RFFL: variants seen among roughly 807,000 people sequenced by gnomAD.
RFFL encodes the protein ring finger and FYVE like domain containing E3 ubiquitin protein ligase.
RFFL carries 16 observed loss-of-function variants against 40.4 expected under a neutral mutation model. That is an observed-to-expected ratio of 0.40 (90% CI 0.27 to 0.60). The LOEUF is 0.60. Ranked by LOEUF, RFFL falls within the 20% of genes least tolerant of loss-of-function variation. RFFL has a pLI of 0.47. For synonymous variants in RFFL, 154 were observed against 167.9 expected, an observed-to-expected ratio of 0.92 and a Z score of 0.64; for missense variants, 367 against 451.7, an observed-to-expected ratio of 0.81 and a Z score of 1.70.
At chr17:35,046,409 C>T (rs542310236) in intron 1 of RFFL, among the ~76,000 whole-genome samples, 1 of 152,202 alleles carries the variant, frequency 6.6e-6, no homozygotes, top group African/African-American at 2.4e-5. Flanking sequence ...ATCAAAGAAA[C>T]CGACCTCTAC....
intron 1 of RFFL, among the ~76,000 whole-genome samples, chr17:35,057,267 T>C (rs1453362180): frequency 6.6e-6 from 1 of 152,002 alleles, no homozygotes; most frequent in Non-Finnish European, 1.5e-5. Flanking sequence ...GCCCACAAAG[T>C]CCCCATGTGA....
chr17:35,017,461 G>C, intron 4 of RFFL, 62 bp downstream of exon 4: 1 of 1,034,096 alleles, frequency 9.7e-7, no homozygotes, highest in East Asian at 2.5e-5. Flanking sequence ...TCTGCTAAGA[G>C]GTTCCGAAGA....
upstream of RFFL, among the ~76,000 whole-genome samples, chr17:35,064,206 G>T (rs2091309267): frequency 6.6e-6 from 1 of 152,112 alleles, no homozygotes; most frequent in Non-Finnish European, 1.5e-5. Context: ...CAGGCTCATT[G>T]TTCTTTTTTC....
At chr17:35,025,514 A>G (rs144312506) in intron 2 of RFFL, among the ~76,000 whole-genome samples, 263 of 152,370 alleles carry the variant, frequency 1.7e-3, no homozygotes, top group African/African-American at 6.2e-3. Context: ...GGATTAAATG[A>G]AATAAAAAAA....
In RFFL at chr17:35,027,403, C is replaced by T. The variant is rs138600941; in HGVS notation, c.-8-842G>A. ...AGCTCAACAAATATTTGCTTCCTTA[C>T]TGAATCAGAGCCTCTGTAGGTTTAT... is the stretch of plus-strand genomic sequence containing the variant. On this transcript the variant is annotated intron_variant, in intron 1 of 6. Coordinates refer to ENST00000394597, the MANE Select transcript of RFFL (RefSeq NM_001017368.2). Among the ~76,000 whole-genome samples, 400 of 152,280 alleles carry T rather than the reference C, an allele frequency of 2.6e-3. 2 individuals are homozygous for T. The highest frequency in any genetic ancestry group is 0.015 in the South Asian group (71 of 4,828).
chr17:35,025,031 A>G (rs916701777), intron 2 of RFFL, among the ~76,000 whole-genome samples: 1 of 152,166 alleles, frequency 6.6e-6, no homozygotes, highest in African/African-American at 2.4e-5. Context: ...GTCACATCGT[A>G]TGGTGTGCAC....
At chr17:35,074,627 C>A (rs2091367306) in intron 1 of RFFL, among the ~76,000 whole-genome samples, 1 of 152,188 alleles carries the variant, frequency 6.6e-6, no homozygotes, top group Non-Finnish European at 1.5e-5. Context: ...TTGTGGAACA[C>A]AGATAACACC....
intron 1 of RFFL, among the ~76,000 whole-genome samples, chr17:35,029,442 TAA>T (rs985354069): frequency 6.6e-6 from 1 of 150,748 alleles, no homozygotes; most frequent in Non-Finnish European, 1.5e-5. Flanking sequence ...CTCCCAGGTT[TAA>T]GTGATTCTCC....
chr17:35,011,984 T>G lies in RFFL; in HGVS notation c.1076A>C (p.His359Pro). The G allele has an allele frequency of 6.2e-7, 1 of 1,614,148 alleles. No individual in the cohort carries two copies. The highest frequency in any genetic ancestry group is 8.5e-7 in the Non-Finnish European group (1 of 1,180,012). ...ICRQYVIRAVHVFRS is the reference protein window; with the variant it reads ...ICRQYVIRAVPVFRS ...TGCAAGCTCTCAGGACCGGAAGACA[T>G]GCACAGCTCGGATTACATACTGCCG... is the stretch of plus-strand genomic sequence containing the variant. Residue 359 changes from histidine (H) to proline (P), a missense_variant, in exon 7 of 7, where the codon CAT becomes CCT. Physicochemically the swap from His to Pro is moderately conservative, Grantham distance 77. Coordinates refer to ENST00000394597, the MANE Select transcript of RFFL (RefSeq NM_001017368.2).
intron 1 of RFFL, among the ~76,000 whole-genome samples, chr17:35,060,579 T>C (rs773905968): frequency 2.5e-4 from 38 of 152,284 alleles, no homozygotes; most frequent in Non-Finnish European, 5.3e-4. Context: ...AATAATTTTG[T>C]AAAACACCAT....
At chr17:35,080,461 G>A (rs557378142) in intron 1 of RFFL, among the ~76,000 whole-genome samples, 1 of 152,270 alleles carries the variant, frequency 6.6e-6, no homozygotes, top group East Asian at 1.9e-4. Context: ...ATATACATGT[G>A]ATCAGTACCA....
chr17:35,034,537 T>C (rs963581766), intron 1 of RFFL, among the ~76,000 whole-genome samples: 2 of 151,910 alleles, frequency 1.3e-5, no homozygotes, highest in Non-Finnish European at 2.9e-5. Context: ...ACTTTTTTTT[T>C]TTTTTCCTTG....
intron 1 of RFFL, among the ~76,000 whole-genome samples, chr17:35,042,823 CA>C (rs11296826): frequency 0.27 from 16,566 of 60,642 alleles, 944 homozygotes; most frequent in African/African-American, 0.45. Flanking sequence ...GACTCCATCT[CA>C]AAAAAAAAAA....
chr17:35,088,849 T>G (rs1273759247), intron 1 of RFFL: 1 of 152,360 alleles, frequency 6.6e-6, no homozygotes, highest in Non-Finnish European at 1.5e-5. Context: ...CGTCTCCTGT[T>G]ACTGCCCCCA....
chr17:35,014,197 A>G (rs1489327021), intron 6 of RFFL, among the ~76,000 whole-genome samples: 1 of 152,068 alleles, frequency 6.6e-6, no homozygotes, highest in African/African-American at 2.4e-5. Context: ...TCTTTAAGTG[A>G]GTGGCAGCTG....
chr17:35,016,556 C>A lies in RFFL; in HGVS notation c.700G>T (p.Val234Phe), dbSNP rs778283140. 6 of 1,613,988 alleles carry A rather than the reference C, an allele frequency of 3.7e-6. No individual in the cohort carries two copies. The African/African-American group carries it at 5.3e-5, about 14-fold the overall frequency. The change falls in exon 5 of 7, where the codon GTC (valine) becomes TTC (phenylalanine). Residue 234 changes from valine (V) to phenylalanine (F), a missense_variant. Transcript: ENST00000394597. Reference sequence around the variant, plus strand: ...GACAGAGAGGCCCTTCGGCCTGGGACAAAGCTGTCCTCTGAGTCAATAGAC... The same window carrying A: ...GACAGAGAGGCCCTTCGGCCTGGGAAAAAGCTGTCCTCTGAGTCAATAGAC... ...TQSIDSEDSF[V>F]PGRRASLSDL...
At chr17:35,023,304 T>C (rs1296092372) in intron 2 of RFFL, among the ~76,000 whole-genome samples, 1 of 152,184 alleles carries the variant, frequency 6.6e-6, no homozygotes, top group Non-Finnish European at 1.5e-5. Flanking sequence ...ATAGTTAAGA[T>C]AGTTATATAA....
At chr17:35,053,840 T>C (rs2091245007) in intron 1 of RFFL, among the ~76,000 whole-genome samples, 1 of 152,200 alleles carries the variant, frequency 6.6e-6, no homozygotes, top group African/African-American at 2.4e-5. Context: ...TGAAAAGCAA[T>C]TATCCTAACA....
In RFFL at chr17:35,014,728, A is replaced by G. The variant is rs1190652806; in HGVS notation, c.910+12T>C. On this transcript the variant is annotated intron_variant, in intron 6 of 6. Coordinates refer to ENST00000394597, the MANE Select transcript of RFFL (RefSeq NM_001017368.2). Reference sequence around the variant, plus strand: ...GGCCTAAGCCCATTCCCAAACAGAAACAACTACATACCGTTTTGGTCTTCG... The same window carrying G: ...GGCCTAAGCCCATTCCCAAACAGAAGCAACTACATACCGTTTTGGTCTTCG... 3 of 1,612,954 alleles carry G rather than the reference A, an allele frequency of 1.9e-6. No homozygotes were observed. The highest frequency in any genetic ancestry group is 3.3e-5 in the Admixed American group (2 of 60,014).
Sources: gnomAD v4.1 joint callset for allele counts (sites outside exome capture counted in the v4.1 genomes callset) on GRCh38, gnomAD v4.1.1 for gene constraint, MANE v1.5 for transcripts, NCBI Gene and HGNC (gene_info 2026-07-23, HGNC 2026-07-21) for gene names.